SORCS2: variants seen among roughly 807,000 people sequenced by gnomAD.
SORCS2 encodes the protein VPS10 domain-containing receptor SorCS2.
In SORCS2, 100 loss-of-function variants were observed where a neutral mutation model predicts 141.6. The observed-to-expected ratio is 0.71, with a 90% CI of 0.60 to 0.83. The LOEUF is 0.83. Among genes scored for constraint, SORCS2 ranks in the 40% least tolerant of loss-of-function variants. SORCS2 has a pLI of 0.00. For missense variants in SORCS2, 1,646 were observed against 1,560.2 expected, an observed-to-expected ratio of 1.05 and a Z score of -0.93; for synonymous variants, 789 against 676.9, an observed-to-expected ratio of 1.17 and a Z score of -2.57.
intron 2 of SORCS2, among the ~76,000 whole-genome samples, chr4:7,437,700 G>A (rs1727398293): frequency 1.4e-5 from 2 of 145,936 alleles, no homozygotes; most frequent in South Asian, 4.6e-4. Context: ...CAGAAAGTGG[G>A]GACAAAACCA....
chr4:7,737,790 C>T (rs1186082620), intron 26 of SORCS2, among the ~76,000 whole-genome samples: 1 of 152,204 alleles, frequency 6.6e-6, no homozygotes, highest in Non-Finnish European at 1.5e-5. Flanking sequence ...TGACTGGGCT[C>T]AGCCGGGCTG....
intron 2 of SORCS2, among the ~76,000 whole-genome samples, chr4:7,452,683 G>A (rs192249423): frequency 1.7e-4 from 26 of 152,328 alleles, no homozygotes; most frequent in African/African-American, 5.1e-4. Context: ...ACCACTCTGT[G>A]CCTCAGTTTC....
intron 4 of SORCS2, among the ~76,000 whole-genome samples, chr4:7,642,769 A>C (rs531687942): frequency 2.0e-5 from 3 of 152,156 alleles, no homozygotes; most frequent in Non-Finnish European, 4.4e-5. Flanking sequence ...GCGATTGGCT[A>C]TATGAGGCTC....
At chr4:7,305,101 A>G (rs1311506435) in intron 1 of SORCS2, among the ~76,000 whole-genome samples, 4 of 148,090 alleles carry the variant, frequency 2.7e-5, no homozygotes, top group South Asian at 4.2e-4. Context: ...GAGTGATCTC[A>G]GCTCACTGCA....
At chr4:7,653,666 G>A (rs542246020) in intron 4 of SORCS2, among the ~76,000 whole-genome samples, 3 of 152,184 alleles carry the variant, frequency 2.0e-5, no homozygotes, top group Admixed American at 6.5e-5. Context: ...GGCTGGCCCT[G>A]GTGTCAGGCC....
At chr4:7,622,679 G>A (rs1309709950) in intron 3 of SORCS2, among the ~76,000 whole-genome samples, 1 of 152,098 alleles carries the variant, frequency 6.6e-6, no homozygotes, top group Non-Finnish European at 1.5e-5. Context: ...ATGCAGGACG[G>A]ATATCTGTTC....
At chr4:7,293,140 T>G in intron 1 of SORCS2, among the ~76,000 whole-genome samples, 1 of 151,938 alleles carries the variant, frequency 6.6e-6, no homozygotes, top group East Asian at 1.9e-4. Flanking sequence ...CTGTCTCTAC[T>G]AAAAATACAA....
intron 1 of SORCS2, among the ~76,000 whole-genome samples, chr4:7,372,918 C>T (rs919625627): frequency 6.6e-6 from 1 of 151,538 alleles, no homozygotes; most frequent in African/African-American, 2.4e-5. Context: ...GTTCGTGCCT[C>T]TTTGGTGCAA....
intron 4 of SORCS2, among the ~76,000 whole-genome samples, chr4:7,651,931 C>T (rs1250481040): frequency 3.9e-5 from 6 of 152,170 alleles, no homozygotes; most frequent in African/African-American, 9.7e-5. Flanking sequence ...TGACCTTCAT[C>T]GGTTTAGGGG....
intron 2 of SORCS2, chr4:7,433,027 C>T (rs540507153): frequency 1.5e-5 from 4 of 274,714 alleles, no homozygotes; most frequent in South Asian, 1.7e-4. Context: ...ATGGGACCAC[C>T]GGCAACATCT....
chr4:7,622,215 A>G (rs1010005699), intron 3 of SORCS2, among the ~76,000 whole-genome samples: 1 of 152,106 alleles, frequency 6.6e-6, no homozygotes, highest in Non-Finnish European at 1.5e-5. Context: ...GACAGGGAGC[A>G]AGAAGGAGGA....
At chr4:7,696,749 T>G (rs888493524) in intron 11 of SORCS2, among the ~76,000 whole-genome samples, 1 of 152,170 alleles carries the variant, frequency 6.6e-6, no homozygotes, top group Admixed American at 6.5e-5. Flanking sequence ...CTGCCTTCTC[T>G]CCTGCACCTG....
chr4:7,484,487 T>G (rs28386917), intron 2 of SORCS2, among the ~76,000 whole-genome samples: 19,668 of 152,028 alleles, frequency 0.13, 1,876 homozygotes, highest in African/African-American at 0.27. Context: ...GGGAAGCCAG[T>G]CTCTAGCAAG....
intron 3 of SORCS2, among the ~76,000 whole-genome samples, chr4:7,553,669 G>A (rs1227136749): frequency 1.3e-5 from 2 of 152,240 alleles, no homozygotes; most frequent in Admixed American, 6.5e-5. Flanking sequence ...GACCAGGTGG[G>A]CACCAGGTTC....
intron 3 of SORCS2, among the ~76,000 whole-genome samples, chr4:7,610,223 G>C (rs1238586525): frequency 2.6e-5 from 4 of 152,234 alleles, no homozygotes; most frequent in African/African-American, 7.2e-5. Flanking sequence ...GATTGTTGGA[G>C]AGGGACTTTG....
rs1726992836 is a variant in SORCS2, at chr4:7,193,624, T to C, written c.480+498T>C. ...GGACTTCCCCGGTCAGCTCGAATCC[T>C]GTTCTGGGACTCTGGGATTTCTGGG... On this transcript the variant is annotated intron_variant, in intron 1 of 26. Transcript: ENST00000507866. This position sits in a 1 kb window ranked among gnomAD's most constrained non-coding sequence, Gnocchi z 4.8. Among the ~76,000 whole-genome samples, 1 of 152,200 alleles carries C rather than the reference T, an allele frequency of 6.6e-6. No individual in the cohort carries two copies. Among genetic ancestry groups the C allele is most frequent in the African/African-American group, 2.4e-5 (1 of 41,456 alleles).
chr4:7,543,181 T>A (rs532607955), intron 3 of SORCS2, among the ~76,000 whole-genome samples: 3 of 152,296 alleles, frequency 2.0e-5, no homozygotes, highest in African/African-American at 7.2e-5. Context: ...CATGTGCTGG[T>A]TGGTTGGTTT....
intron 2 of SORCS2, among the ~76,000 whole-genome samples, chr4:7,416,695 T>C (rs899740690): frequency 5.3e-5 from 8 of 149,972 alleles, no homozygotes; most frequent in South Asian, 2.2e-4. Context: ...CACGCATGCA[T>C]GCACTCACTC....
At position 7,729,591 on chromosome 4, in the gene SORCS2, C is replaced by T; in HGVS notation, c.2987C>T (p.Thr996Ile). 6.3e-7 allele frequency: 1 copy of T among 1,582,892 alleles called. No individual in the cohort carries two copies. ...LVVTRLLSKETSVPQELLVTV... is the reference protein window; with the variant it reads ...LVVTRLLSKEISVPQELLVTV... ...GTGGCTTAACTCTCCCCGCAGGAGACCAGCGTCCCTCAGGAGCTTCTGGTG... is the reference window on the plus strand; with the variant it reads ...GTGGCTTAACTCTCCCCGCAGGAGATCAGCGTCCCTCAGGAGCTTCTGGTG... Residue 996 changes from threonine (T) to isoleucine (I), a missense_variant, in exon 23 of 27, where the codon ACC becomes ATC. Physicochemically the swap from Thr to Ile is moderately conservative, Grantham distance 89. Coordinates refer to ENST00000507866, the MANE Select transcript of SORCS2 (RefSeq NM_020777.3).
Sources: gnomAD v4.1 joint callset for allele counts (sites outside exome capture counted in the v4.1 genomes callset) on GRCh38, gnomAD v4.1.1 for gene constraint, Gnocchi (gnomAD v3.1) non-coding constraint, MANE v1.5 for transcripts, NCBI Gene and HGNC (gene_info 2026-07-23, HGNC 2026-07-21) for gene names.